Variants in ADGRD2 observed in about 807,000 individuals in gnomAD.
ADGRD2 encodes adhesion G protein-coupled receptor D2.
ADGRD2 carries 71 observed loss-of-function variants against 44.4 expected under a neutral mutation model. That is an observed-to-expected ratio of 1.60 (90% CI 1.32 to 1.95). The LOEUF is 1.95. ADGRD2 is among the 30% of genes most tolerant of loss of function. The pLI is 0.00. For missense variants in ADGRD2, 1,039 were observed against 512.4 expected (o/e 2.03, Z -9.92); for synonymous variants, 481 against 224.8 (o/e 2.14, Z -10.19).
intron 3 of ADGRD2, 113 bp downstream of exon 6, chr9:124,453,789 T>C: frequency 1.7e-6 from 1 of 584,110 alleles, no homozygotes; most frequent in South Asian, 1.9e-5. Context: ...GGCCACGCCC[T>C]CTCCAGGCCG....
intron 10 of ADGRD2, chr9:124,465,081 G>C (rs1588605033): frequency 6.5e-6 from 1 of 152,796 alleles, no homozygotes; most frequent in Non-Finnish European, 1.5e-5. Flanking sequence ...ATGACAGCCT[G>C]CACTCTCCTC....
intron 8 of ADGRD2, 64 bp downstream of exon 11, chr9:124,457,670 T>G: frequency 1.8e-6 from 1 of 548,366 alleles, no homozygotes; most frequent in Non-Finnish European, 3.3e-6. Flanking sequence ...CAGCTCTAAC[T>G]GTCGCTAGCT....
chr9:124,475,244 G>T (rs1316158693), intron 17 of ADGRD2, among the ~76,000 whole-genome samples: 2 of 152,234 alleles, frequency 1.3e-5, no homozygotes, highest in Non-Finnish European at 2.9e-5. Flanking sequence ...GCCCCTTCTG[G>T]TCCCCTGGCC....
At chr9:124,463,216 CA>C (rs1232637681) in intron 10 of ADGRD2, among the ~76,000 whole-genome samples, 1 of 152,112 alleles carries the variant, frequency 6.6e-6, no homozygotes, top group African/African-American at 2.4e-5. Context: ...TGAATTTTGT[CA>C]GATGTTTCTT....
intron 12 of ADGRD2, 32 bp downstream of exon 15, chr9:124,467,856 C>T (rs1274002856): frequency 2.4e-5 from 17 of 717,638 alleles, no homozygotes; most frequent in Admixed American, 4.0e-5. Context: ...AGCCTGGTGG[C>T]CTGGGCCCTC....
intron 6 of ADGRD2, among the ~76,000 whole-genome samples, 157 bp from the exon 10 acceptor site, chr9:124,456,465 G>A (rs1055758183): frequency 7.9e-5 from 12 of 152,196 alleles, no homozygotes; most frequent in Admixed American, 5.9e-4. Context: ...GTCAACCTGA[G>A]GACCCAGGAC....
At chr9:124,466,514 G>C in intron 11 of ADGRD2, 101 bp downstream of exon 14, 1 of 573,156 alleles carries the variant, frequency 1.7e-6, no homozygotes, top group Non-Finnish European at 3.2e-6. Flanking sequence ...AGGGATGCCA[G>C]CTTTCATAGA....
chr9:124,471,892 G>T (rs1831951553), intron 17 of ADGRD2, among the ~76,000 whole-genome samples: 1 of 152,130 alleles, frequency 6.6e-6, no homozygotes, highest in South Asian at 2.1e-4. Context: ...GTGAGGGGAC[G>T]AGGCAGGAAG....
exon 3 of ADGRD2, chr9:124,453,239 C>G (rs760955825): frequency 8.8e-6 from 5 of 566,852 alleles, no homozygotes; most frequent in Non-Finnish European, 1.5e-5. Flanking sequence ...TTCGCCGAGC[C>G]GGGGGGCGTC....
rs1413069733 is a variant in ADGRD2, at chr9:124,454,993, G to T, written c.1261G>T (p.Val421Leu). The change falls in exon 6 of 22, where the codon GTG becomes TTG. Residue 421 changes from valine (V) to leucine (L), a missense_variant. By Grantham distance (32) the Val-to-Leu change is conservative. Coordinates refer to ENST00000334810, the Ensembl canonical transcript of ADGRD2. The surrounding 1 kb of genome is among the most constrained non-coding windows in gnomAD (Gnocchi z 4.5). ...GGCTGTTGTCCGCTTCCTGAAGAGG[G>T]TGGTGGCCCTCGGGGCTGGGGACCC... 3 of 718,374 alleles carry T rather than the reference G, an allele frequency of 4.2e-6. No homozygotes were observed. The South Asian group carries it at 4.4e-5, about 11-fold the overall frequency. 44.5% of individuals were successfully genotyped at this position (718,374 alleles called of 1,614,324 possible).
chr9:124,472,007 C>T (rs927147017), intron 17 of ADGRD2, among the ~76,000 whole-genome samples: 17 of 152,194 alleles, frequency 1.1e-4, no homozygotes, highest in African/African-American at 4.1e-4. Context: ...CAGGTGGTGG[C>T]ATCTTGTTGC....
At chr9:124,460,609 A>G (rs933450389) in intron 10 of ADGRD2, among the ~76,000 whole-genome samples, 2 of 151,398 alleles carry the variant, frequency 1.3e-5, no homozygotes, top group Non-Finnish European at 2.9e-5. Flanking sequence ...GGTGAGAATC[A>G]TTCATGTTGT....
At chr9:124,453,126 G>A (rs1223034464) in exon 3 of ADGRD2, 2 of 701,794 alleles carry the variant, frequency 2.8e-6, no homozygotes, top group South Asian at 3.0e-5. Context: ...TGGCAGCGCT[G>A]ACCGCGTGTA....
Position 124,454,782 on chromosome 9 carries a change from G to A in ADGRD2, c.1109-61G>A. The A allele has an allele frequency of 1.6e-6, 1 of 625,530 alleles. No homozygotes were observed. The highest frequency in any genetic ancestry group is 2.9e-6 in the Non-Finnish European group (1 of 344,758). The allele number at this position is 625,530 out of a possible 1,614,324, so 38.7% of individuals were successfully genotyped here. A position where few individuals can be genotyped will look rare whatever the true frequency, so the allele number is the denominator to read the frequency against. ...AAGACCCTGGCAAAGCCCAAGTGTG[G>A]CCCTTGGGGGGATCCCCTCATAACA... is the stretch of plus-strand genomic sequence containing the variant. On this transcript the variant is annotated intron_variant, in intron 5 of 21. Transcript: ENST00000334810. The surrounding 1 kb of genome is among the most constrained non-coding windows in gnomAD (Gnocchi z 4.5).
chr9:124,451,997 GC>G (rs1157296639), upstream of ADGRD2: 9 of 364,846 alleles, frequency 2.5e-5, no homozygotes, highest in East Asian at 9.0e-5. Flanking sequence ...TCCACTGAAT[GC>G]CCCCCTCCCA....
intron 1 of ADGRD2, 43 bp downstream of exon 4, chr9:124,452,197 G>A (rs1204932457): frequency 1.5e-6 from 1 of 683,190 alleles, no homozygotes; most frequent in South Asian, 1.6e-5. Flanking sequence ...CAGTCCCCCA[G>A]CTAAGCAAGT....
chr9:124,458,144 G>T (rs1440523892), exon 9 of ADGRD2: 1 of 718,468 alleles, frequency 1.4e-6, no homozygotes, highest in East Asian at 2.7e-5. Flanking sequence ...TCCACAGCTG[G>T]TTCACCTCCA....
chr9:124,468,608 G>A lies in ADGRD2; in HGVS notation c.2325G>A (p.Arg775=), dbSNP rs1393520368. Residue 775 remains arginine, a synonymous_variant, in exon 14 of 22, where the codon AGG becomes AGA. Coordinates refer to ENST00000334810, the Ensembl canonical transcript of ADGRD2. The stretch of plus-strand genomic sequence containing the variant: ...TGGTGGAGGGGCTGCTGCTGTGGAG[G>A]AAGGTGGTAGCTGTGAGCATGCACC... 5.6e-6 allele frequency: 4 copies of A among 718,544 alleles called. No homozygotes were observed. The South Asian group carries it at 5.9e-5, about 11-fold the overall frequency. The allele number at this position is 718,544 out of a possible 1,614,324, so 44.5% of individuals were successfully genotyped here.
chr9:124,453,877 C>A, intron 3 of ADGRD2, 122 bp from the exon 7 acceptor site: 2 of 598,742 alleles, frequency 3.3e-6, no homozygotes, highest in Non-Finnish European at 5.9e-6. Context: ...CCCTTACCCC[C>A]ACCCCGAGCT....
Sources: allele counts gnomAD v4.1 joint callset (sites outside exome capture counted in the v4.1 genomes callset), GRCh38; gene constraint gnomAD v4.1.1; non-coding constraint Gnocchi (gnomAD v3.1); transcripts MANE v1.5; gene names NCBI Gene and HGNC (gene_info 2026-07-23, HGNC 2026-07-21).